CDH13: variants seen among roughly 807,000 people sequenced by gnomAD.
CDH13 encodes the protein cadherin-13.
In CDH13, 24 loss-of-function variants were observed where a neutral mutation model predicts 63.8. That is an observed-to-expected ratio of 0.38 (90% CI 0.27 to 0.53). The LOEUF (loss-of-function observed/expected upper bound fraction) is 0.53, where lower values mean the gene tolerates loss of function less well. Among genes scored for constraint, CDH13 ranks in the 20% least tolerant of loss-of-function variants. The probability of loss-of-function intolerance (pLI) is 0.85; values close to 1 mark genes in which losing one functional copy is unlikely to be tolerated. For missense variants in CDH13, 1,049 were observed against 903.1 expected (o/e 1.16, Z -2.07); for synonymous variants, 503 against 355.3 (o/e 1.42, Z -4.67).
At chr16:82,813,003 C>G (rs2037522596) in intron 1 of CDH13, among the ~76,000 whole-genome samples, 1 of 152,070 alleles carries the variant, frequency 6.6e-6, no homozygotes, top group South Asian at 2.1e-4. Context: ...CTTTTTAAAC[C>G]TGGGAGTTGA....
chr16:83,086,831 A>G (rs1226405394), intron 3 of CDH13, among the ~76,000 whole-genome samples: 5 of 152,248 alleles, frequency 3.3e-5, no homozygotes, highest in Admixed American at 6.5e-5. Flanking sequence ...CTAAAAGATC[A>G]AATATTGCTG....
intron 1 of CDH13, among the ~76,000 whole-genome samples, chr16:82,799,005 C>G (rs553254701): frequency 2.5e-4 from 38 of 152,278 alleles, no homozygotes; most frequent in Admixed American, 1.1e-3. Flanking sequence ...CCTGGGCAGT[C>G]TATCACCAGA....
At position 82,876,838 on chromosome 16, in the gene CDH13, C is replaced by T. The variant is rs146117510; in HGVS notation, c.157+18365C>T. Among the ~76,000 whole-genome samples the T allele has an allele frequency of 6.8e-3, 1,036 of 152,266 alleles. 7 individuals are homozygous for T. The highest frequency in any genetic ancestry group is 0.01 in the Non-Finnish European group (707 of 68,018). On this transcript the variant is annotated intron_variant, in intron 2 of 13. Coordinates refer to ENST00000567109, the MANE Select transcript of CDH13 (RefSeq NM_001257.5). ...AAAATCAGAAGCATCCATACAGTTA[C>T]TGAGTTTGGAGAGGTAGCCCAAACA...
chr16:82,950,942 T>C (rs951020634), intron 2 of CDH13, among the ~76,000 whole-genome samples: 1 of 152,020 alleles, frequency 6.6e-6, no homozygotes, highest in African/African-American at 2.4e-5. Flanking sequence ...GGCACTGCAA[T>C]GTGTGAATCT....
At chr16:83,659,277 T>A (rs1490209657) in intron 8 of CDH13, among the ~76,000 whole-genome samples, 6 of 146,612 alleles carry the variant, frequency 4.1e-5, no homozygotes, top group Non-Finnish European at 9.0e-5. Context: ...ACCAGCAAGG[T>A]CTCATGTCCT....
At chr16:83,532,627 C>T (rs2075105283) in intron 7 of CDH13, among the ~76,000 whole-genome samples, 2 of 152,224 alleles carry the variant, frequency 1.3e-5, no homozygotes, top group Admixed American at 1.3e-4. Flanking sequence ...AGCCTATCAG[C>T]TCCACATTCG....
At chr16:83,096,021 G>T (rs929579272) in intron 3 of CDH13, among the ~76,000 whole-genome samples, 1 of 152,152 alleles carries the variant, frequency 6.6e-6, no homozygotes, top group African/African-American at 2.4e-5. Flanking sequence ...ACAAGACAAA[G>T]GTCCAGGAAG....
intron 8 of CDH13, among the ~76,000 whole-genome samples, chr16:83,659,681 C>T (rs1913259020): frequency 2.0e-5 from 3 of 151,900 alleles, no homozygotes; most frequent in Admixed American, 6.6e-5. Context: ...TTAAGAATGA[C>T]AGCTTTAGTC....
chr16:83,045,959 C>A (rs1470239111), intron 3 of CDH13, among the ~76,000 whole-genome samples: 2 of 152,230 alleles, frequency 1.3e-5, no homozygotes, highest in Non-Finnish European at 2.9e-5. Flanking sequence ...GGGCAGATGC[C>A]TGTGGACTTT....
chr16:82,985,498 C>A (rs530594253), intron 2 of CDH13, among the ~76,000 whole-genome samples: 1 of 152,120 alleles, frequency 6.6e-6, no homozygotes, highest in African/African-American at 2.4e-5. Context: ...TTGTGGCTTT[C>A]CTCCTCCTTT....
intron 1 of CDH13, among the ~76,000 whole-genome samples, chr16:82,737,281 T>C (rs1459057633): frequency 6.6e-6 from 1 of 152,216 alleles, no homozygotes; most frequent in Non-Finnish European, 1.5e-5. Flanking sequence ...AGGGTCAAGA[T>C]GGAGCCCTCT....
intron 3 of CDH13, among the ~76,000 whole-genome samples, chr16:83,113,908 A>G (rs1567842506): frequency 6.6e-6 from 1 of 152,190 alleles, no homozygotes; most frequent in Non-Finnish European, 1.5e-5. Context: ...TAGGAAACCC[A>G]GAGGCTTCAT....
chr16:82,855,937 G>A (rs2039666267), intron 1 of CDH13, among the ~76,000 whole-genome samples: 1 of 152,046 alleles, frequency 6.6e-6, no homozygotes. Flanking sequence ...TCTCTGGTGG[G>A]GATGATAATG....
intron 6 of CDH13, among the ~76,000 whole-genome samples, chr16:83,483,367 G>A (rs1299633559): frequency 6.6e-6 from 1 of 151,948 alleles, no homozygotes; most frequent in Non-Finnish European, 1.5e-5. Context: ...GAATATTCCA[G>A]GATAATTTTG....
chr16:83,794,332 C>T (rs192677884), intron 13 of CDH13, among the ~76,000 whole-genome samples: 41 of 152,304 alleles, frequency 2.7e-4, no homozygotes, highest in Admixed American at 2.2e-3. Context: ...ATGGGAGGAT[C>T]GCTTGAGGCC....
intron 6 of CDH13, among the ~76,000 whole-genome samples, chr16:83,430,480 C>T (rs931755320): frequency 3.3e-5 from 5 of 152,174 alleles, no homozygotes; most frequent in Non-Finnish European, 4.4e-5. Context: ...TATTCTTTAA[C>T]ATTACAAATA....
intron 4 of CDH13, among the ~76,000 whole-genome samples, chr16:83,164,854 C>G (rs144241830): frequency 7.3e-5 from 11 of 151,386 alleles, no homozygotes; most frequent in African/African-American, 1.5e-4. Context: ...TGCATGCTGG[C>G]TAGTGTCACG....
At chr16:83,720,387 A>G (rs905332211) in intron 10 of CDH13, among the ~76,000 whole-genome samples, 12 of 152,136 alleles carry the variant, frequency 7.9e-5, no homozygotes, top group African/African-American at 1.9e-4. Context: ...GAGTTCATCA[A>G]TATTACACCC....
intron 6 of CDH13, among the ~76,000 whole-genome samples, chr16:83,472,435 G>C (rs1361878719): frequency 6.6e-6 from 1 of 152,208 alleles, no homozygotes; most frequent in Non-Finnish European, 1.5e-5. Flanking sequence ...AGACTGGGGA[G>C]AGCAGGAGCC....
Sources: gnomAD v4.1 joint callset for allele counts (sites outside exome capture counted in the v4.1 genomes callset) on GRCh38, gnomAD v4.1.1 for gene constraint, MANE v1.5 for transcripts, NCBI Gene and HGNC (gene_info 2026-07-23, HGNC 2026-07-21) for gene names.